The following PTPRZ1 variants were observed in gnomAD, a reference collection of about 807,000 sequenced individuals.
PTPRZ1 encodes the protein protein tyrosine phosphatase receptor type Z1.
In PTPRZ1, 82 loss-of-function variants were observed where a neutral mutation model predicts 214.1. The observed-to-expected ratio is 0.38, with a 90% confidence interval of 0.32 to 0.46. PTPRZ1 has a LOEUF of 0.46. Ranked by LOEUF, PTPRZ1 falls within the 20% of genes least tolerant of loss-of-function variation. The pLI is 1.00. For synonymous variants in PTPRZ1, 945 were observed against 987.9 expected, an observed-to-expected ratio of 0.96 and a Z score of 0.81; for missense variants, 2,603 against 2,748.7, an observed-to-expected ratio of 0.95 and a Z score of 1.19.
Position 122,031,738 on chromosome 7 carries a change from C to T in PTPRZ1, c.5166+179C>T, listed in dbSNP as rs1194077962. On this transcript the variant is annotated intron_variant, in intron 15 of 29. Coordinates refer to ENST00000393386, the MANE Select transcript of PTPRZ1 (RefSeq NM_002851.3). ...TGTTATAGTTACTATATAATTTAGA[C>T]AATTGGTTTTCTATTTTAAAAGCCA... 1.6e-5 allele frequency: 6 copies of T among 368,570 alleles called. No individual in the cohort carries two copies. The East Asian group carries it at 2.5e-4, about 16-fold the overall frequency. The allele number at this position is 368,570 out of a possible 1,614,324, so 22.8% of individuals were successfully genotyped here.
intron 1 of PTPRZ1, among the ~76,000 whole-genome samples, chr7:121,890,740 G>A (rs776727286): frequency 4.6e-5 from 7 of 152,012 alleles, no homozygotes; most frequent in Non-Finnish European, 1.0e-4. Flanking sequence ...TATGATCAGA[G>A]CTCACTGTAG....
chr7:121,983,400 T>C (rs187456681), intron 6 of PTPRZ1, among the ~76,000 whole-genome samples: 1 of 152,358 alleles, frequency 6.6e-6, no homozygotes, highest in Non-Finnish European at 1.5e-5. Context: ...GAGATGATCA[T>C]CTGATTTCTG....
chr7:122,004,096 A>G (rs986431748), intron 10 of PTPRZ1, among the ~76,000 whole-genome samples: 3 of 152,156 alleles, frequency 2.0e-5, no homozygotes, highest in Admixed American at 2.0e-4. Flanking sequence ...GTATGAGGCC[A>G]GATTTGAGGA....
intron 28 of PTPRZ1, 73 bp from the exon 29 acceptor site, chr7:122,059,680 G>T: frequency 6.6e-7 from 1 of 1,504,436 alleles, no homozygotes; most frequent in South Asian, 1.3e-5. Context: ...AAGGCTATAT[G>T]CTTTGTGAGT....
chr7:121,935,923 A>G (rs1796074986), intron 2 of PTPRZ1, among the ~76,000 whole-genome samples: 1 of 152,192 alleles, frequency 6.6e-6, no homozygotes, highest in Non-Finnish European at 1.5e-5. Flanking sequence ...GACACATTTC[A>G]TAAAAGAAAA....
intron 6 of PTPRZ1, among the ~76,000 whole-genome samples, chr7:121,977,732 A>G (rs1797486555): frequency 6.6e-6 from 1 of 150,650 alleles, no homozygotes; most frequent in Admixed American, 6.6e-5. Context: ...TTTTAGAGAC[A>G]CAGCACAAGA....
Position 122,013,685 on chromosome 7 carries a change from G to A in PTPRZ1, c.4639G>A (p.Glu1547Lys). The change falls in exon 12 of 30, where the codon GAA becomes AAA. Residue 1547 changes from glutamate to lysine, a missense_variant. Physicochemically the swap from Glu to Lys is moderately conservative, Grantham distance 56 (BLOSUM62 1). Transcript: ENST00000393386. ...AGCATGGGCAGTTCTGACAAGTGAT[G>A]AAGAAAGTGGATCAGGGCAAGGTAC... is the stretch of plus-strand genomic sequence containing the variant. ...SKAWAVLTSD[E>K]ESGSGQGTSD... 1 of 1,614,220 alleles carries A rather than the reference G, an allele frequency of 6.2e-7. No individual in the cohort carries two copies. Among genetic ancestry groups the A allele is most frequent in the African/African-American group, 1.3e-5 (1 of 75,070 alleles).
At chr7:122,030,241 G>A (rs541251213) in intron 14 of PTPRZ1, among the ~76,000 whole-genome samples, 81 of 152,010 alleles carry the variant, frequency 5.3e-4, no homozygotes, top group Non-Finnish European at 9.9e-4. Context: ...GCATGTTTTC[G>A]TGTAAAAATC....
At chr7:122,032,761 C>A (rs181743400) in intron 15 of PTPRZ1, among the ~76,000 whole-genome samples, 357 of 152,132 alleles carry the variant, frequency 2.3e-3, no homozygotes, top group African/African-American at 7.5e-3. Context: ...TAATAGAAGC[C>A]AATTTATTTA....
intron 1 of PTPRZ1, among the ~76,000 whole-genome samples, chr7:121,877,545 T>C (rs1794098409): frequency 6.6e-6 from 1 of 152,186 alleles, no homozygotes; most frequent in Admixed American, 6.5e-5. Flanking sequence ...GTGATCCAGA[T>C]ACAGAATCGT....
At chr7:121,895,302 T>A (rs1036804911) in intron 1 of PTPRZ1, among the ~76,000 whole-genome samples, 37 of 152,114 alleles carry the variant, frequency 2.4e-4, no homozygotes, top group African/African-American at 8.4e-4. Flanking sequence ...GTCTTGCAGG[T>A]GTAGGATAAT....
At position 122,012,648 on chromosome 7, in the gene PTPRZ1, C is replaced by G. The variant is rs1320317606; in HGVS notation, c.3602C>G (p.Ala1201Gly). ...ACCTTGCTTAAAACTGTTCTTCCAG[C>G]TGTGCCCAGTGATCCAATATTGGTT... Reference protein sequence around the residue: ...VDTLLKTVLPAVPSDPILVET... With the variant: ...VDTLLKTVLPGVPSDPILVET... Residue 1201 changes from alanine to glycine, a missense_variant, in exon 12 of 30, where the codon GCT becomes GGT. Ala to Gly is a moderately conservative substitution (Grantham distance 60). Transcript: ENST00000393386. The G allele has an allele frequency of 6.2e-7, 1 of 1,613,608 alleles. No individual in the cohort carries two copies. The highest frequency in any genetic ancestry group is 2.2e-5 in the East Asian group (1 of 44,898).
chr7:121,953,596 G>A (rs1038966094), intron 2 of PTPRZ1, among the ~76,000 whole-genome samples: 1 of 152,164 alleles, frequency 6.6e-6, no homozygotes, highest in Non-Finnish European at 1.5e-5. Context: ...GAATCATCAG[G>A]CTAAATTTTT....
chr7:121,984,995 T>G (rs1797722825), intron 8 of PTPRZ1, among the ~76,000 whole-genome samples: 1 of 152,196 alleles, frequency 6.6e-6, no homozygotes, highest in Admixed American at 6.5e-5. Flanking sequence ...ATGAATTCAA[T>G]GATTTTTTTT....
At chr7:122,028,243 C>T (rs929017877) in intron 13 of PTPRZ1, 9 of 213,140 alleles carry the variant, frequency 4.2e-5, no homozygotes, top group African/African-American at 1.6e-4. Context: ...ATATGTAGGG[C>T]ATTGAGGTTT....
At chr7:122,009,256 A>G (rs76324744) in intron 11 of PTPRZ1, among the ~76,000 whole-genome samples, 3,369 of 152,154 alleles carry the variant, frequency 0.022, 108 homozygotes, top group Non-Finnish European at 0.025. Flanking sequence ...TTCCGTGTGT[A>G]TGACACATGC....
chr7:121,878,612 G>A (rs556080213), intron 1 of PTPRZ1, among the ~76,000 whole-genome samples: 9 of 152,282 alleles, frequency 5.9e-5, no homozygotes, highest in Admixed American at 2.6e-4. Flanking sequence ...CTGCTGGTTC[G>A]GGAGTGAGTG....
chr7:121,984,879 C>T (rs748109578), intron 8 of PTPRZ1, among the ~76,000 whole-genome samples: 5 of 152,056 alleles, frequency 3.3e-5, no homozygotes, highest in Non-Finnish European at 7.4e-5. Flanking sequence ...TCAGTTTTTA[C>T]TGAGGTTGTC....
Position 122,012,767 on chromosome 7 carries a change from G to A in PTPRZ1, c.3721G>A (p.Val1241Ile). Residue 1241 changes from valine (V) to isoleucine (I), a missense_variant, in exon 12 of 30, where the codon GTA becomes ATA. Val to Ile is a conservative substitution (Grantham distance 29). This residue lies in a region of PTPRZ1 where 1,913 missense variants were observed against 1,914.3 expected (regional missense o/e 1.00). Coordinates refer to ENST00000393386, the MANE Select transcript of PTPRZ1 (RefSeq NM_002851.3). ...TGAAAACATGCTGCACTCTACATCTGTACCAGTTTTTGATGTGTCGCCTAC... is the reference window on the plus strand; with the variant it reads ...TGAAAACATGCTGCACTCTACATCTATACCAGTTTTTGATGTGTCGCCTAC... ...SSENMLHSTS[V>I]PVFDVSPTSH... The A allele has an allele frequency of 6.2e-7, 1 of 1,611,354 alleles. No homozygotes were observed. Among genetic ancestry groups the A allele is most frequent in the Non-Finnish European group, 8.5e-7 (1 of 1,177,588 alleles).
Sources: allele counts gnomAD v4.1 joint callset (sites outside exome capture counted in the v4.1 genomes callset), GRCh38; gene constraint gnomAD v4.1.1; regional missense constraint gnomAD v4.1.1; transcripts MANE v1.5; gene names NCBI Gene and HGNC (gene_info 2026-07-23, HGNC 2026-07-21).